RGS18: variants seen among roughly 807,000 people sequenced by gnomAD.
RGS18 encodes regulator of G-protein signaling 18.
RGS18 carries 22 observed loss-of-function variants against 27.6 expected under a neutral mutation model. The ratio of observed to expected loss-of-function variants is 0.80; its 90% confidence interval spans 0.57 to 1.14. The LOEUF (loss-of-function observed/expected upper bound fraction) is 1.14. RGS18 is among the 50% of genes most tolerant of loss of function. The probability of loss-of-function intolerance (pLI) is 0.00; values close to 1 mark genes in which losing one functional copy is unlikely to be tolerated. For missense variants in RGS18, 299 were observed against 269.6 expected (o/e 1.11, Z -0.76); for synonymous variants, 89 against 84.6 (o/e 1.05, Z -0.29).
At chr1:192,159,014 A>C (rs1272212500) in intron 1 of RGS18, among the ~76,000 whole-genome samples, 2 of 152,196 alleles carry the variant, frequency 1.3e-5, no homozygotes, top group African/African-American at 2.4e-5. Context: ...TATAATCTCA[A>C]ATACTTGATT....
chr1:192,184,831 A>C lies in RGS18; in HGVS notation c.*277A>C, dbSNP rs1056782243. On this transcript the variant is annotated 3_prime_UTR_variant, in exon 5 of 5. Transcript: ENST00000367460. ...TACAAAAAAAGTAATAATGTTTTAT[A>C]AGATTGTAGAGTTAAGTAAAAGTTA... 3.1e-6 allele frequency: 1 copy of C among 320,088 alleles called. No individual in the cohort carries two copies. The highest frequency in any genetic ancestry group is 4.6e-5 in the Admixed American group (1 of 21,790). The allele number at this position is 320,088 out of a possible 1,614,324, so 19.8% of individuals were successfully genotyped here.
intron 3 of RGS18, among the ~76,000 whole-genome samples, chr1:192,174,382 C>A (rs1049036180): frequency 5.9e-5 from 9 of 151,652 alleles, no homozygotes; most frequent in African/African-American, 2.2e-4. Flanking sequence ...GGATAATATT[C>A]CCTGTGCATT....
chr1:192,161,722 T>G (rs1656077153), intron 3 of RGS18, among the ~76,000 whole-genome samples: 1 of 152,184 alleles, frequency 6.6e-6, no homozygotes, highest in Admixed American at 6.5e-5. Flanking sequence ...GTTGCCCGTG[T>G]CTTTCACAAT....
In RGS18 at chr1:192,159,287, T is replaced by C. The variant is rs765096530; in HGVS notation, c.187T>C (p.Ser63Pro). 1.1e-5 allele frequency: 18 copies of C among 1,613,370 alleles called. No homozygotes were observed. Among genetic ancestry groups the C allele is most frequent in the African/African-American group, 1.3e-5 (1 of 74,910 alleles). ...QKPEFHEDTR[S>P]SRSGHLAKET... is the part of the protein sequence containing the mutation. ...ACCTGAGTTTCATGAAGACACCCGC[T>C]CCAGTAGATCTGGGCACTTGGCCAA... The change falls in exon 2 of 5, where the codon TCC (serine) becomes CCC (proline). Residue 63 changes from serine (S) to proline (P), a missense_variant. By Grantham distance (74) the Ser-to-Pro change is moderately conservative. Coordinates refer to ENST00000367460, the MANE Select transcript of RGS18 (RefSeq NM_130782.3).
At chr1:192,159,534 CT>C (rs1008493462) in intron 2 of RGS18, among the ~76,000 whole-genome samples, 16 of 152,258 alleles carry the variant, frequency 1.1e-4, no homozygotes, top group South Asian at 2.1e-4. Context: ...ACACTTAAAG[CT>C]GCTCTTTTAA....
At chr1:192,178,580 T>C (rs1287867892) in intron 3 of RGS18, among the ~76,000 whole-genome samples, 1 of 151,324 alleles carries the variant, frequency 6.6e-6, no homozygotes, top group Non-Finnish European at 1.5e-5. Flanking sequence ...TGAAATAACA[T>C]ATGGATGGAA....
intron 1 of RGS18, 25 bp from the exon 2 acceptor site, chr1:192,159,195 T>C: frequency 6.6e-7 from 1 of 1,525,280 alleles, no homozygotes; most frequent in Non-Finnish European, 9.1e-7. Context: ...TAAATTGTCC[T>C]GACATGAAGG....
At chr1:192,176,826 A>C (rs144367688) in intron 3 of RGS18, among the ~76,000 whole-genome samples, 7 of 151,818 alleles carry the variant, frequency 4.6e-5, no homozygotes, top group Admixed American at 3.9e-4. Context: ...ATATGTTTCA[A>C]TAACTCATAG....
At chr1:192,171,476 C>T (rs985940891) in intron 3 of RGS18, among the ~76,000 whole-genome samples, 1 of 152,148 alleles carries the variant, frequency 6.6e-6, no homozygotes, top group Non-Finnish European at 1.5e-5. Context: ...TCCCTTGTCT[C>T]TCTAGTTAAT....
chr1:192,163,173 A>T (rs1004518802), intron 3 of RGS18: 5 of 152,208 alleles, frequency 3.3e-5, no homozygotes, highest in Admixed American at 2.0e-4. Context: ...TGAGATGATG[A>T]ATAAGAAACC....
At chr1:192,166,350 G>A (rs1023849002) in intron 3 of RGS18, among the ~76,000 whole-genome samples, 14 of 152,036 alleles carry the variant, frequency 9.2e-5, no homozygotes, top group African/African-American at 3.4e-4. Context: ...TTGAGATAAA[G>A]GCAAGGAAAC....
chr1:192,168,280 A>G (rs1285465273), intron 3 of RGS18: 1 of 152,208 alleles, frequency 6.6e-6, no homozygotes, highest in East Asian at 1.9e-4. Context: ...AAAGTTATTT[A>G]CTTAAAATTT....
intron 3 of RGS18, chr1:192,169,806 A>G (rs1656224720): frequency 6.6e-6 from 1 of 152,194 alleles, no homozygotes; most frequent in African/African-American, 2.4e-5. Context: ...AATAAGAAAT[A>G]AGACATTTTA....
intron 3 of RGS18, among the ~76,000 whole-genome samples, chr1:192,171,853 G>C (rs113657870): frequency 6.6e-6 from 1 of 151,948 alleles, no homozygotes; most frequent in Admixed American, 6.6e-5. Context: ...GGATTGTATT[G>C]GTTTCCTGTT....
chr1:192,180,913 G>A (rs868786846), intron 3 of RGS18, among the ~76,000 whole-genome samples: 18 of 151,632 alleles, frequency 1.2e-4, no homozygotes, highest in African/African-American at 2.4e-5. Context: ...AAGGCATGGT[G>A]TAGAAGTAGG....
At chr1:192,166,195 G>A (rs1485229910) in intron 3 of RGS18, among the ~76,000 whole-genome samples, 1 of 152,080 alleles carries the variant, frequency 6.6e-6, no homozygotes, top group Non-Finnish European at 1.5e-5. Context: ...AAATGATACT[G>A]CTGCATAACA....
Position 192,184,807 on chromosome 1 carries a change from AC to A in RGS18, c.*254del. 1 of 387,686 alleles carries A rather than the reference AC, an allele frequency of 2.6e-6. No individual in the cohort carries two copies. Among genetic ancestry groups the A allele is most frequent in the Non-Finnish European group, 4.6e-6 (1 of 215,440 alleles). The allele number at this position is 387,686 out of a possible 1,614,324, so 24.0% of individuals were successfully genotyped here. A position where few individuals can be genotyped will look rare whatever the true frequency, so the allele number is the denominator to read the frequency against. On this transcript the variant is annotated 3_prime_UTR_variant, in exon 5 of 5. Transcript: ENST00000367460. ...ACTTATTTCTTAATCAAAAGGCAGTACAAAAAAAGTAATAATGTTTTATAAG... is the reference window on the plus strand; with the variant it reads ...ACTTATTTCTTAATCAAAAGGCAGTAAAAAAAAGTAATAATGTTTTATAAG...
chr1:192,175,357 C>A (rs80151830), intron 3 of RGS18, among the ~76,000 whole-genome samples: 1 of 151,560 alleles, frequency 6.6e-6, no homozygotes, highest in African/African-American at 2.4e-5. Context: ...TGGAGGAAGA[C>A]ATAGGAGTCT....
chr1:192,182,655 A>C (rs1212797591), intron 4 of RGS18, among the ~76,000 whole-genome samples: 1 of 151,580 alleles, frequency 6.6e-6, no homozygotes, highest in Non-Finnish European at 1.5e-5. Flanking sequence ...ACAGAAGGAA[A>C]AGTACAATTA....
Sources: gnomAD v4.1 joint callset for allele counts (sites outside exome capture counted in the v4.1 genomes callset) on GRCh38, gnomAD v4.1.1 for gene constraint, MANE v1.5 for transcripts, NCBI Gene and HGNC (gene_info 2026-07-23, HGNC 2026-07-21) for gene names.